The following LAMA3 variants were observed in gnomAD, a reference collection of about 807,000 sequenced individuals.
LAMA3 encodes laminin subunit alpha-3.
A neutral mutation model predicts 402.0 loss-of-function variants in LAMA3; 281 were observed. The ratio of observed to expected loss-of-function variants is 0.70; its 90% CI spans 0.63 to 0.77. The LOEUF (loss-of-function observed/expected upper bound fraction) is 0.77. Ranked by LOEUF, LAMA3 falls within the 30% of genes least tolerant of loss-of-function variation. The pLI, the probability that LAMA3 is intolerant of heterozygous loss-of-function variation, is 0.00. For missense variants in LAMA3, 3,840 were observed against 4,215.5 expected (o/e 0.91, Z 2.47); for synonymous variants, 1,431 against 1,558.4 (o/e 0.92, Z 1.93).
intron 40 of LAMA3, among the ~76,000 whole-genome samples, chr18:23,884,054 G>T (rs947252923): frequency 1.9e-4 from 9 of 47,634 alleles, no homozygotes; most frequent in Non-Finnish European, 2.9e-4. Flanking sequence ...TTTGGTGTGT[G>T]TGTGTGTGTG....
At chr18:23,920,759 A>G (rs17203010) in intron 60 of LAMA3, among the ~76,000 whole-genome samples, 176 bp from the exon 61 acceptor site, 3,431 of 152,312 alleles carry the variant, frequency 0.023, 58 homozygotes, top group Non-Finnish European at 0.035. Flanking sequence ...CGTGACTTAC[A>G]GTATTGAACC....
intron 32 of LAMA3, among the ~76,000 whole-genome samples, chr18:23,856,560 CA>C (rs1475288613): frequency 6.6e-6 from 1 of 152,254 alleles, no homozygotes; most frequent in Admixed American, 6.5e-5. Context: ...CAGGCACAGC[CA>C]TAGCCCACTG....
intron 2 of LAMA3, among the ~76,000 whole-genome samples, chr18:23,743,404 C>T (rs1446959653): frequency 1.3e-5 from 2 of 152,158 alleles, no homozygotes; most frequent in Non-Finnish European, 2.9e-5. Flanking sequence ...GCCCCTTGAA[C>T]TCAGTAGCAG....
At position 23,950,159 on chromosome 18, in the gene LAMA3, GGT is replaced by G; in HGVS notation, c.9642+5_9642+6del. On this transcript the variant is annotated splice_donor_variant, in intron 72 of 74. Transcript: ENST00000313654. LOFTEE classifies it high-confidence loss of function. The stretch of plus-strand genomic sequence containing the variant: ...TATGTGTTTACCTGGAGGCAGGAAA[GGT>G]GTGTAGCAGTCTGATGCCATGGGGA... The G allele has an allele frequency of 6.2e-7, 1 of 1,614,072 alleles. No homozygotes were observed. The highest frequency in any genetic ancestry group is 8.5e-7 in the Non-Finnish European group (1 of 1,179,998).
rs1467571507 is a variant in LAMA3 at position 23,932,298 on chromosome 18, G to A, written c.8708+7G>A. ...GCAATGTTTTTGTCCAGAGGTAGGT[G>A]ATCCTCTCTTTGTGGGTAACTGATG... is the stretch of plus-strand genomic sequence containing the variant. On this transcript the variant is annotated splice_region_variant and intron_variant, in intron 66 of 74. Transcript: ENST00000313654. The A allele has an allele frequency of 1.2e-6, 2 of 1,613,532 alleles. No homozygotes were observed. The highest frequency in any genetic ancestry group is 1.7e-6 in the Non-Finnish European group (2 of 1,179,662).
chr18:23,719,268 G>A (rs1019677655), intron 2 of LAMA3, among the ~76,000 whole-genome samples: 11 of 152,246 alleles, frequency 7.2e-5, no homozygotes, highest in Non-Finnish European at 8.8e-5. Flanking sequence ...GCAGAGGCAC[G>A]AGGATCACTT....
chr18:23,838,090 C>T (rs1484593380), intron 25 of LAMA3, among the ~76,000 whole-genome samples: 1 of 152,134 alleles, frequency 6.6e-6, no homozygotes, highest in African/African-American at 2.4e-5. Context: ...CTGGCTAGAA[C>T]ATAAGCTCTA....
intron 20 of LAMA3, among the ~76,000 whole-genome samples, chr18:23,823,715 A>C (rs2063329693): frequency 6.6e-6 from 1 of 152,240 alleles, no homozygotes. Flanking sequence ...GATTTGGAGA[A>C]GATAATTCTT....
chr18:23,751,248 A>G (rs1568144515), intron 5 of LAMA3, among the ~76,000 whole-genome samples, 160 bp downstream of exon 5: 3 of 152,200 alleles, frequency 2.0e-5, no homozygotes, highest in Non-Finnish European at 4.4e-5. Context: ...AGGAGTTTAT[A>G]TCTAATGACT....
At chr18:23,729,163 T>TAG (rs968095212) in intron 2 of LAMA3, among the ~76,000 whole-genome samples, 14 of 148,474 alleles carry the variant, frequency 9.4e-5, no homozygotes, top group South Asian at 4.3e-4. Context: ...TTTGTGTGTG[T>TAG]AGAGAGAGAG....
intron 8 of LAMA3, among the ~76,000 whole-genome samples, chr18:23,767,731 G>A (rs2062106454): frequency 6.6e-6 from 1 of 151,918 alleles, no homozygotes; most frequent in Non-Finnish European, 1.5e-5. Context: ...GTGCCATCAT[G>A]CCTGGCTAAT....
rs1283025351 is a variant in LAMA3 at position 23,954,821 on chromosome 18, T to C, written c.*173T>C. ...TACCCATCACTTTGGCATTCAGTGC[T>C]ACATGTGTATTTTATATAAAAATCC... On this transcript the variant is annotated 3_prime_UTR_variant, in exon 75 of 75. Transcript: ENST00000313654. 3.0e-6 allele frequency: 2 copies of C among 656,760 alleles called. No individual in the cohort carries two copies. Among genetic ancestry groups the C allele is most frequent in the Non-Finnish European group, 5.4e-6 (2 of 370,260 alleles). The allele number at this position is 656,760 out of a possible 1,614,324, so 40.7% of individuals were successfully genotyped here.
At chr18:23,912,648 C>T in intron 55 of LAMA3, 63 bp from the exon 56 acceptor site, 1 of 1,409,896 alleles carries the variant, frequency 7.1e-7, no homozygotes, top group Middle Eastern at 1.8e-4. Context: ...CAAACTAGCT[C>T]TCTGAGCACA....
Position 23,815,174 on chromosome 18 carries a change from T to A in LAMA3, c.1889-14T>A, listed in dbSNP as rs1568213037. 1 of 1,613,502 alleles carries A rather than the reference T, an allele frequency of 6.2e-7. No homozygotes were observed. Among genetic ancestry groups the A allele is most frequent in the Non-Finnish European group, 8.5e-7 (1 of 1,179,404 alleles). On this transcript the variant is annotated splice_polypyrimidine_tract_variant and intron_variant, in intron 15 of 74. Coordinates refer to ENST00000313654, the MANE Select transcript of LAMA3 (RefSeq NM_198129.4). ...TGTCTCCCTTAGTTCAAGGATGCTC[T>A]CTTATCTCCACAGAATGCAAGTGCC...
chr18:23,744,237 G>T (rs2061609719), intron 2 of LAMA3, among the ~76,000 whole-genome samples: 1 of 152,160 alleles, frequency 6.6e-6, no homozygotes, highest in Non-Finnish European at 1.5e-5. Flanking sequence ...ATGTTACACA[G>T]CAGGGGTGGT....
intron 44 of LAMA3, among the ~76,000 whole-genome samples, chr18:23,896,153 T>A (rs1017970584): frequency 6.6e-6 from 1 of 152,096 alleles, no homozygotes; most frequent in African/African-American, 2.4e-5. Context: ...CTGGCCAACA[T>A]GGTGAAACTC....
At chr18:23,845,211 A>G in intron 30 of LAMA3, 87 bp downstream of exon 30, 20 of 797,012 alleles carry the variant, frequency 2.5e-5, no homozygotes, top group Non-Finnish European at 4.2e-5. Flanking sequence ...GGGCTGGCCC[A>G]TGGATCCGTC....
intron 35 of LAMA3, among the ~76,000 whole-genome samples, chr18:23,862,980 G>T (rs1275943791): frequency 6.6e-6 from 1 of 151,916 alleles, no homozygotes. Context: ...AGCAACTTAT[G>T]GGGGGTGGGT....
At chr18:23,690,701 C>G (rs1193941058) in intron 1 of LAMA3, among the ~76,000 whole-genome samples, 1 of 151,500 alleles carries the variant, frequency 6.6e-6, no homozygotes, top group Non-Finnish European at 1.5e-5. Flanking sequence ...GCCTCGAACT[C>G]CTGGGCTCAA....
Sources: gnomAD v4.1 joint callset for allele counts (sites outside exome capture counted in the v4.1 genomes callset) on GRCh38, gnomAD v4.1.1 for gene constraint, MANE v1.5 for transcripts, NCBI Gene and HGNC (gene_info 2026-07-23, HGNC 2026-07-21) for gene names.